Variants in SEMA6D observed in about 807,000 individuals in gnomAD.
SEMA6D encodes semaphorin-6D.
SEMA6D carries 35 observed loss-of-function variants against 106.6 expected under a neutral mutation model. That is an observed-to-expected ratio of 0.33 (90% CI 0.25 to 0.44). The LOEUF is 0.44. SEMA6D is among the 20% of genes least tolerant of loss of function. The pLI is 1.00. For missense variants in SEMA6D, 1,185 were observed against 1,345.9 expected (o/e 0.88, Z 1.87); for synonymous variants, 499 against 487.7 (o/e 1.02, Z -0.31).
chr15:47,444,996 G>A (rs2041987884), intron 2 of SEMA6D, among the ~76,000 whole-genome samples: 2 of 152,196 alleles, frequency 1.3e-5, no homozygotes, highest in Admixed American at 6.5e-5. Context: ...ATGGGGAGCT[G>A]GAAGGGGGAT....
intron 3 of SEMA6D, among the ~76,000 whole-genome samples, chr15:47,533,553 G>A (rs1195373017): frequency 6.6e-6 from 1 of 152,116 alleles, no homozygotes; most frequent in Non-Finnish European, 1.5e-5. Flanking sequence ...AGGGTGTGTG[G>A]GAAGCGCGGG....
intron 2 of SEMA6D, among the ~76,000 whole-genome samples, chr15:47,454,514 T>C (rs2042285726): frequency 6.6e-6 from 1 of 151,756 alleles, no homozygotes; most frequent in African/African-American, 2.4e-5. Context: ...TATCTTGAGA[T>C]GGGCACTGGA....
At chr15:47,638,985 T>C (rs2077441763) in intron 4 of SEMA6D, among the ~76,000 whole-genome samples, 1 of 152,202 alleles carries the variant, frequency 6.6e-6, no homozygotes, top group African/African-American at 2.4e-5. Flanking sequence ...TGCTTGTATG[T>C]GGCTTCCTCT....
chr15:47,281,712 A>C (rs1008801700), intron 1 of SEMA6D, among the ~76,000 whole-genome samples: 4 of 152,104 alleles, frequency 2.6e-5, no homozygotes, highest in Non-Finnish European at 5.9e-5. Flanking sequence ...GCACAGTATA[A>C]TGTTAACATA....
At chr15:47,287,168 A>G (rs747462619) in intron 1 of SEMA6D, among the ~76,000 whole-genome samples, 2 of 152,166 alleles carry the variant, frequency 1.3e-5, no homozygotes, top group African/African-American at 2.4e-5. Context: ...TGTGTCCCAG[A>G]TGGTGCATTT....
intron 2 of SEMA6D, among the ~76,000 whole-genome samples, chr15:47,415,028 G>C (rs2040914608): frequency 6.6e-6 from 1 of 152,064 alleles, no homozygotes; most frequent in Admixed American, 6.6e-5. Flanking sequence ...TACTTTTTGG[G>C]ACTTCAAATC....
At chr15:47,662,670 TA>T (rs1191855310) in intron 4 of SEMA6D, among the ~76,000 whole-genome samples, 1 of 152,184 alleles carries the variant, frequency 6.6e-6, no homozygotes, top group Admixed American at 6.5e-5. Context: ...ACTTATACTT[TA>T]AAGAATACAC....
At chr15:47,591,134 A>G (rs1042501590) in intron 3 of SEMA6D, among the ~76,000 whole-genome samples, 17 of 152,336 alleles carry the variant, frequency 1.1e-4, no homozygotes, top group Non-Finnish European at 2.4e-4. Context: ...TCCCTGCTTC[A>G]TAAATGGCAC....
intron 2 of SEMA6D, among the ~76,000 whole-genome samples, chr15:47,413,915 A>G (rs1459286047): frequency 6.6e-6 from 1 of 152,180 alleles, no homozygotes; most frequent in Non-Finnish European, 1.5e-5. Context: ...ATGGCCTTAC[A>G]TCTGTGAATT....
chr15:47,677,858 A>C (rs2078276196), intron 4 of SEMA6D, among the ~76,000 whole-genome samples: 1 of 152,228 alleles, frequency 6.6e-6, no homozygotes, highest in Non-Finnish European at 1.5e-5. Context: ...TTTTAGACAG[A>C]GAATGTAAGA....
At chr15:47,715,413 T>A (rs1047666114), upstream of SEMA6D, among the ~76,000 whole-genome samples, 1 of 152,202 alleles carries the variant, frequency 6.6e-6, no homozygotes, top group Non-Finnish European at 1.5e-5. Flanking sequence ...AAAGGAGCGT[T>A]GTTTTCCTAT....
At chr15:47,539,012 C>A (rs1232628113) in intron 3 of SEMA6D, among the ~76,000 whole-genome samples, 1 of 152,102 alleles carries the variant, frequency 6.6e-6, no homozygotes, top group African/African-American at 2.4e-5. Context: ...CCTGAAAAAC[C>A]CTCTTCTTAT....
At chr15:47,286,319 T>G (rs2035360066) in intron 1 of SEMA6D, among the ~76,000 whole-genome samples, 2 of 150,326 alleles carry the variant, frequency 1.3e-5, no homozygotes, top group Admixed American at 1.3e-4. Flanking sequence ...CTCAAACTTT[T>G]GGTCTCAGTA....
intron 1 of SEMA6D, among the ~76,000 whole-genome samples, chr15:47,225,265 G>A (rs1399046162): frequency 2.0e-5 from 3 of 151,984 alleles, no homozygotes; most frequent in African/African-American, 4.8e-5. Flanking sequence ...ATCATTTTGT[G>A]TTTGCACCAA....
At chr15:47,373,981 C>T (rs1272144577) in intron 1 of SEMA6D, among the ~76,000 whole-genome samples, 2 of 152,136 alleles carry the variant, frequency 1.3e-5, no homozygotes, top group African/African-American at 4.8e-5. Context: ...AACTTGTTGT[C>T]CATATAATGG....
intron 1 of SEMA6D, among the ~76,000 whole-genome samples, chr15:47,191,032 G>T (rs373906752): frequency 6.6e-6 from 1 of 152,126 alleles, no homozygotes; most frequent in East Asian, 1.9e-4. Context: ...TAATAGCCGG[G>T]TGCAGTCATA....
chr15:47,286,141 C>T (rs968492481), intron 1 of SEMA6D, among the ~76,000 whole-genome samples: 2 of 152,140 alleles, frequency 1.3e-5, no homozygotes, highest in Non-Finnish European at 2.9e-5. Context: ...CCCTTATCTC[C>T]TTGGTCTCTG....
At chr15:47,447,361 G>A (rs559917948) in intron 2 of SEMA6D, among the ~76,000 whole-genome samples, 3 of 152,226 alleles carry the variant, frequency 2.0e-5, no homozygotes, top group African/African-American at 7.2e-5. Context: ...TCTGGGGAAG[G>A]AAGAGGGGCT....
intron 1 of SEMA6D, among the ~76,000 whole-genome samples, chr15:47,267,562 AT>A (rs2034376596): frequency 6.6e-6 from 1 of 152,054 alleles, no homozygotes; most frequent in Non-Finnish European, 1.5e-5. Context: ...AGTTATCCAG[AT>A]TGAATTATCT....
Sources: allele counts gnomAD v4.1 joint callset (sites outside exome capture counted in the v4.1 genomes callset), GRCh38; gene constraint gnomAD v4.1.1; transcripts MANE v1.5; gene names NCBI Gene and HGNC (gene_info 2026-07-23, HGNC 2026-07-21).